FAM114A1: variants seen among roughly 807,000 people sequenced by gnomAD.
FAM114A1 encodes the protein family with sequence similarity 114 member A1.
FAM114A1 carries 62 observed loss-of-function variants against 64.3 expected under a neutral mutation model. That is an observed-to-expected ratio of 0.96 (90% CI 0.79 to 1.19). FAM114A1 has a LOEUF of 1.19. Ranked by LOEUF, FAM114A1 falls within the 50% of genes most tolerant of loss-of-function variation. FAM114A1 has a pLI of 0.00. For missense variants in FAM114A1, 645 were observed against 676.3 expected (o/e 0.95, Z 0.51); for synonymous variants, 254 against 251.1 (o/e 1.01, Z -0.11).
Position 38,874,438 on chromosome 4 carries a change from A to G in FAM114A1, c.-8-3633A>G, listed in dbSNP as rs373298463. ...GATTAGTGGTGGTGTGCATTTTTTC[A>G]TATGCTTGTTGGCCACCTATATGTT... is the stretch of plus-strand genomic sequence containing the variant. On this transcript the variant is annotated intron_variant, in intron 2 of 14. Coordinates refer to ENST00000358869, the MANE Select transcript of FAM114A1 (RefSeq NM_138389.4). Among the ~76,000 whole-genome samples, 16 of 152,220 alleles carry G rather than the reference A, an allele frequency of 1.1e-4. No homozygotes were observed. The East Asian group carries it at 2.5e-3, about 24-fold the overall frequency.
intron 4 of FAM114A1, among the ~76,000 whole-genome samples, chr4:38,900,522 A>G (rs1319388649): frequency 1.3e-5 from 2 of 152,244 alleles, no homozygotes; most frequent in Non-Finnish European, 2.9e-5. Flanking sequence ...CGAATGGAAA[A>G]GCAAAATGTG....
intron 8 of FAM114A1, among the ~76,000 whole-genome samples, chr4:38,917,711 C>T (rs1719207699): frequency 6.6e-6 from 1 of 152,094 alleles, no homozygotes; most frequent in South Asian, 2.1e-4. Context: ...CATCACAGCT[C>T]TCAGCTGTGA....
intron 13 of FAM114A1, among the ~76,000 whole-genome samples, chr4:38,939,911 C>T (rs571467133): frequency 2.6e-4 from 34 of 131,546 alleles, no homozygotes; most frequent in African/African-American, 9.2e-4. Context: ...TTTTGTTAGA[C>T]GGAGTCTTAC....
chr4:38,917,794 G>A (rs763236348), intron 8 of FAM114A1, among the ~76,000 whole-genome samples: 1 of 152,114 alleles, frequency 6.6e-6, no homozygotes, highest in Non-Finnish European at 1.5e-5. Context: ...CTTTGGAGGG[G>A]AACAGTTTGC....
At position 38,914,996 on chromosome 4, in the gene FAM114A1, G is replaced by A. The variant is rs754130990; in HGVS notation, c.868G>A (p.Gly290Arg). The change falls in exon 8 of 15, where the codon GGG (glycine) becomes AGG (arginine). Residue 290 changes from glycine (G) to arginine (R), a missense_variant. Gly to Arg is a moderately radical substitution (Grantham distance 125). Transcript: ENST00000358869. Reference protein sequence around the residue: ...QLTMERTAHYGMLFDEYQGLS... With the variant: ...QLTMERTAHYRMLFDEYQGLS... Reference sequence around the variant, plus strand: ...CACGATGGAGAGAACCGCGCACTACGGGATGCTGTTTGATGAATATCAAGG... The same window carrying A: ...CACGATGGAGAGAACCGCGCACTACAGGATGCTGTTTGATGAATATCAAGG... The A allele has an allele frequency of 8.1e-6, 13 of 1,614,142 alleles. No individual in the cohort carries two copies. The highest frequency in any genetic ancestry group is 4.0e-5 in the African/African-American group (3 of 75,014).
chr4:38,899,697 T>C (rs1717314591), intron 4 of FAM114A1, among the ~76,000 whole-genome samples: 1 of 152,236 alleles, frequency 6.6e-6, no homozygotes, highest in Admixed American at 6.5e-5. Flanking sequence ...AGCATTGCTT[T>C]TTTTAGAAGT....
intron 3 of FAM114A1, among the ~76,000 whole-genome samples, chr4:38,882,183 G>T (rs960869824): frequency 2.1e-4 from 31 of 145,012 alleles, no homozygotes; most frequent in Middle Eastern, 3.4e-3. Flanking sequence ...GCGGTGGTGG[G>T]CGCCTGTAGT....
At chr4:38,906,621 G>A (rs185120294) in intron 6 of FAM114A1, among the ~76,000 whole-genome samples, 93 of 152,134 alleles carry the variant, frequency 6.1e-4, no homozygotes, top group African/African-American at 1.9e-3. Flanking sequence ...TGCAACCTCC[G>A]CATCCCTGAT....
intron 3 of FAM114A1, among the ~76,000 whole-genome samples, chr4:38,886,720 G>T (rs1715847781): frequency 6.6e-6 from 1 of 151,526 alleles, no homozygotes; most frequent in South Asian, 2.1e-4. Context: ...CTGAGGTCAG[G>T]AGTTCAAGAC....
At chr4:38,934,534 C>T (rs749189340) in intron 12 of FAM114A1, among the ~76,000 whole-genome samples, 1 of 152,178 alleles carries the variant, frequency 6.6e-6, no homozygotes, top group Non-Finnish European at 1.5e-5. Context: ...AGATTCTTAA[C>T]TTGGGGTTAT....
chr4:38,932,173 G>T (rs1579404946), intron 11 of FAM114A1, 62 bp from the exon 12 acceptor site: 3 of 1,524,958 alleles, frequency 2.0e-6, no homozygotes, highest in East Asian at 4.5e-5. Context: ...TAATGTCACA[G>T]CATTTTTTTA....
chr4:38,926,581 A>T (rs947640892), intron 9 of FAM114A1, among the ~76,000 whole-genome samples: 1 of 151,554 alleles, frequency 6.6e-6, no homozygotes, highest in African/African-American at 2.4e-5. Context: ...TCAGCCTCCC[A>T]AGTAGCTGGG....
At chr4:38,874,614 T>C (rs1273310459) in intron 2 of FAM114A1, among the ~76,000 whole-genome samples, 1 of 152,194 alleles carries the variant, frequency 6.6e-6, no homozygotes, top group Non-Finnish European at 1.5e-5. Flanking sequence ...ATTATGTAAG[T>C]TGTCTATTTA....
chr4:38,905,966 G>A, intron 6 of FAM114A1, 105 bp downstream of exon 6: 1 of 964,192 alleles, frequency 1.0e-6, no homozygotes, highest in Non-Finnish European at 1.5e-6. Context: ...CGATGGCCTT[G>A]CTCAGAACTT....
At chr4:38,883,752 T>TTCTGGAGAAA (rs1206827973) in intron 3 of FAM114A1, among the ~76,000 whole-genome samples, 1 of 152,168 alleles carries the variant, frequency 6.6e-6, no homozygotes, top group Non-Finnish European at 1.5e-5. Context: ...TTTTCTCCGG[T>TTCTGGAGAAA]TCTGTTTGAG....
intron 14 of FAM114A1, among the ~76,000 whole-genome samples, chr4:38,942,572 T>C (rs906265905): frequency 7.2e-5 from 11 of 152,218 alleles, no homozygotes; most frequent in African/African-American, 2.7e-4. Flanking sequence ...TGTTTTCACA[T>C]GTTTTAGTTA....
intron 1 of FAM114A1, 94 bp from the exon 2 acceptor site, chr4:38,868,304 G>A (rs1713661291): frequency 6.5e-6 from 1 of 153,902 alleles, no homozygotes; most frequent in Non-Finnish European, 1.5e-5. Flanking sequence ...GTAAGACAGA[G>A]GCCTCGTCCC....
intron 8 of FAM114A1, among the ~76,000 whole-genome samples, chr4:38,920,626 A>G (rs912532849): frequency 6.6e-6 from 1 of 152,254 alleles, no homozygotes; most frequent in Non-Finnish European, 1.5e-5. Context: ...CCGCCAGAAG[A>G]CATAGGCAAA....
At chr4:38,885,532 C>T (rs1409469495) in intron 3 of FAM114A1, among the ~76,000 whole-genome samples, 1 of 152,192 alleles carries the variant, frequency 6.6e-6, no homozygotes, top group East Asian at 1.9e-4. Flanking sequence ...CTGCCTCGGC[C>T]TCCCAAAGTG....
Sources: allele counts gnomAD v4.1 joint callset (sites outside exome capture counted in the v4.1 genomes callset), GRCh38; gene constraint gnomAD v4.1.1; transcripts MANE v1.5; gene names NCBI Gene and HGNC (gene_info 2026-07-23, HGNC 2026-07-21).